GABRR3: variants seen among roughly 807,000 people sequenced by gnomAD.
The protein encoded by GABRR3 is gamma-aminobutyric acid receptor subunit rho-3.
Under a neutral mutation model 43.2 loss-of-function variants are expected in GABRR3, and 29 were observed. The ratio of observed to expected loss-of-function variants is 0.67; its 90% CI spans 0.50 to 0.92. The LOEUF is 0.92. Among genes scored for constraint, GABRR3 ranks in the 40% least tolerant of loss-of-function variants. GABRR3 has a pLI of 0.00. For missense variants in GABRR3, 576 were observed against 572.3 expected (o/e 1.01, Z -0.07); for synonymous variants, 206 against 195.9 (o/e 1.05, Z -0.43).
chr3:98,006,377 T>C (rs1706724705), intron 7 of GABRR3, among the ~76,000 whole-genome samples: 1 of 152,232 alleles, frequency 6.6e-6, no homozygotes, highest in African/African-American at 2.4e-5. Flanking sequence ...CATCATTTGC[T>C]GAATCCCAAG....
intron 3 of GABRR3, among the ~76,000 whole-genome samples, chr3:98,020,514 A>AT (rs1483523307): frequency 2.0e-5 from 3 of 149,466 alleles, no homozygotes; most frequent in African/African-American, 4.9e-5. Flanking sequence ...TCATTTATTT[A>AT]TTTTTTTAAA....
At chr3:98,015,637 A>T (rs576782210) in intron 4 of GABRR3, among the ~76,000 whole-genome samples, 19 of 152,348 alleles carry the variant, frequency 1.2e-4, no homozygotes, top group Admixed American at 7.2e-4. Flanking sequence ...TTTATCATTA[A>T]CTCCTGAAAG....
At chr3:98,001,439 C>T in intron 8 of GABRR3, 176 bp downstream of exon 8, 1 of 626,598 alleles carries the variant, frequency 1.6e-6, no homozygotes, top group Middle Eastern at 4.3e-4. Flanking sequence ...AAGGAAAGAA[C>T]TCAATTACAA....
At chr3:98,021,848 T>C (rs1025034155) in intron 3 of GABRR3, among the ~76,000 whole-genome samples, 5 of 152,202 alleles carry the variant, frequency 3.3e-5, no homozygotes, top group African/African-American at 1.2e-4. Context: ...AAGTTATACA[T>C]CTGATTTGTA....
At chr3:98,011,493 T>A (rs1184498496) in intron 5 of GABRR3, among the ~76,000 whole-genome samples, 1 of 152,186 alleles carries the variant, frequency 6.6e-6, no homozygotes, top group Non-Finnish European at 1.5e-5. Context: ...ATGCATGAAA[T>A]TGTCCTCTAC....
Position 98,034,857 on chromosome 3 carries a change from T to C in GABRR3, c.125+6A>G. ...AATTCCATGGACTGCACTATGAGCATCTTACCAGGTTTGTTTCATTGAAGA... is the reference window on the plus strand; with the variant it reads ...AATTCCATGGACTGCACTATGAGCACCTTACCAGGTTTGTTTCATTGAAGA... On this transcript the variant is annotated splice_donor_region_variant and intron_variant, in intron 2 of 9. Coordinates refer to ENST00000621172, the Ensembl canonical transcript of GABRR3. The C allele has an allele frequency of 6.2e-7, 1 of 1,612,778 alleles. No homozygotes were observed. The highest frequency in any genetic ancestry group is 8.5e-7 in the Non-Finnish European group (1 of 1,179,068).
exon 6 of GABRR3, chr3:98,009,032 C>T (rs763639627): frequency 6.2e-6 from 10 of 1,601,208 alleles, no homozygotes; most frequent in East Asian, 4.5e-5. Context: ...TGGCCGAAAC[C>T]GTTATCCTAT....
intron 2 of GABRR3, among the ~76,000 whole-genome samples, chr3:98,026,702 C>G (rs1050994938): frequency 6.6e-6 from 1 of 151,910 alleles, no homozygotes; most frequent in African/African-American, 2.4e-5. Flanking sequence ...TAAGTGGATC[C>G]TAGTCATTCT....
At chr3:98,029,505 A>T (rs1411504818) in intron 2 of GABRR3, among the ~76,000 whole-genome samples, 2 of 152,138 alleles carry the variant, frequency 1.3e-5, no homozygotes, top group Non-Finnish European at 2.9e-5. Flanking sequence ...ATTCTGCGGC[A>T]TTGGAGTTTT....
At chr3:97,986,228 G>C (rs1706385354), downstream of GABRR3, among the ~76,000 whole-genome samples, 1 of 152,200 alleles carries the variant, frequency 6.6e-6, no homozygotes, top group African/African-American at 2.4e-5. Flanking sequence ...ATCCTTCATA[G>C]GATTCTCAGC....
chr3:98,035,107 G>T, intron 1 of GABRR3, 83 bp downstream of exon 1: 1 of 1,212,984 alleles, frequency 8.2e-7, no homozygotes, highest in Non-Finnish European at 1.1e-6. Flanking sequence ...TGCATTAGGG[G>T]AAAAAGAAAG....
intron 8 of GABRR3, among the ~76,000 whole-genome samples, chr3:97,995,351 A>G (rs1039005111): frequency 6.6e-6 from 1 of 151,996 alleles, no homozygotes; most frequent in Admixed American, 6.6e-5. Flanking sequence ...TTCATTGTGC[A>G]GTAATATGGA....
At chr3:98,006,092 TAGAG>T (rs1407145658) in intron 7 of GABRR3, among the ~76,000 whole-genome samples, 1 of 151,938 alleles carries the variant, frequency 6.6e-6, no homozygotes, top group Non-Finnish European at 1.5e-5. Context: ...TTTATTCATA[TAGAG>T]AAAGACAAAC....
At chr3:98,025,021 C>T (rs1706993827) in intron 3 of GABRR3, among the ~76,000 whole-genome samples, 1 of 152,162 alleles carries the variant, frequency 6.6e-6, no homozygotes. Flanking sequence ...GTTCACATTG[C>T]AATATTAAGT....
chr3:98,012,686 T>C (rs571252432), intron 4 of GABRR3, 119 bp from the exon 5 acceptor site: 3 of 665,682 alleles, frequency 4.5e-6, no homozygotes, highest in Non-Finnish European at 7.7e-6. Flanking sequence ...AGTGAATGGT[T>C]AATATTGTAG....
chr3:98,020,783 T>A (rs1471828606), intron 3 of GABRR3, among the ~76,000 whole-genome samples: 4 of 152,080 alleles, frequency 2.6e-5, no homozygotes, highest in Admixed American at 2.6e-4. Flanking sequence ...TTTATACTGG[T>A]TCTGGTGGGG....
In GABRR3 at chr3:98,025,699, A is replaced by G. The variant is rs754458855; in HGVS notation, c.126-20T>C. 25 of 1,542,688 alleles carry G rather than the reference A, an allele frequency of 1.6e-5. No homozygotes were observed. The highest frequency in any genetic ancestry group is 2.1e-5 in the Non-Finnish European group (24 of 1,128,446). On this transcript the variant is annotated intron_variant, in intron 2 of 9. Coordinates refer to ENST00000621172, the Ensembl canonical transcript of GABRR3. ...TGTTTGCTGTTCCCCCAAAGGGAAAAAAAAAACTTCTGAGATACATATGCT... is the reference window on the plus strand; with the variant it reads ...TGTTTGCTGTTCCCCCAAAGGGAAAGAAAAAACTTCTGAGATACATATGCT...
At position 98,022,460 on chromosome 3, in the gene GABRR3, T is replaced by C. The variant is rs766368010; in HGVS notation, c.238+3107A>G. On this transcript the variant is annotated intron_variant, in intron 3 of 9. Coordinates refer to ENST00000621172, the Ensembl canonical transcript of GABRR3. ...CATTTAGCTCAAGAGGGAAAAAGTA[T>C]GTGCGTGTGTTTGTGTTGCGGACAA... Among the ~76,000 whole-genome samples the C allele has an allele frequency of 4.6e-5, 7 of 152,236 alleles. No individual in the cohort carries two copies. In the East Asian group the frequency reaches 1.3e-3, roughly 29 times the overall value.
At chr3:97,993,750 C>G (rs1020094274) in intron 8 of GABRR3, among the ~76,000 whole-genome samples, 6 of 151,982 alleles carry the variant, frequency 3.9e-5, no homozygotes. Flanking sequence ...TCCTCCCTTC[C>G]CTCCCCCTCT....
Sources: gnomAD v4.1 joint callset for allele counts (sites outside exome capture counted in the v4.1 genomes callset) on GRCh38, gnomAD v4.1.1 for gene constraint, MANE v1.5 for transcripts, NCBI Gene and HGNC (gene_info 2026-07-23, HGNC 2026-07-21) for gene names.